WWOX: variants seen among roughly 807,000 people sequenced by gnomAD.
WWOX encodes the protein WW domain containing oxidoreductase, also known as WW domain-containing oxidoreductase.
A neutral mutation model predicts 46.2 loss-of-function variants in WWOX; 69 were observed. That is an observed-to-expected ratio of 1.49 (90% CI 1.23 to 1.82). The LOEUF is 1.82. WWOX is among the 40% of genes most tolerant of loss of function. WWOX has a pLI of 0.00. For synonymous variants in WWOX, 359 were observed against 202.6 expected (o/e 1.77, Z -6.56); for missense variants, 919 against 542.6 (o/e 1.69, Z -6.89).
intron 5 of WWOX, among the ~76,000 whole-genome samples, chr16:78,214,829 T>C (rs1331634626): frequency 1.3e-5 from 1 of 79,598 alleles, no homozygotes; most frequent in Non-Finnish European, 2.2e-5. Context: ...GAATAAATAT[T>C]ACCAAAAAAA....
chr16:78,821,301 C>G (rs943938574), intron 8 of WWOX, among the ~76,000 whole-genome samples: 1 of 152,124 alleles, frequency 6.6e-6, no homozygotes, highest in East Asian at 1.9e-4. Flanking sequence ...CCAGGTTACA[C>G]AGCTAGTTAT....
chr16:78,998,591 G>C (rs1430520930), intron 8 of WWOX, among the ~76,000 whole-genome samples: 2 of 152,292 alleles, frequency 1.3e-5, no homozygotes, highest in South Asian at 4.1e-4. Context: ...ATGTAGTTAA[G>C]ACTCAATTTC....
intron 8 of WWOX, among the ~76,000 whole-genome samples, chr16:79,058,357 C>T (rs974714691): frequency 2.1e-5 from 3 of 146,300 alleles, no homozygotes; most frequent in African/African-American, 7.8e-5. Flanking sequence ...TTTAGTATCA[C>T]ATTTGGCAAG....
chr16:78,659,491 G>A (rs998535589), intron 8 of WWOX, among the ~76,000 whole-genome samples: 2 of 152,028 alleles, frequency 1.3e-5, no homozygotes, highest in Non-Finnish European at 2.9e-5. Context: ...CCCTCCAGGG[G>A]ATTCTGTGGT....
At chr16:78,660,646 A>G (rs2047188592) in intron 8 of WWOX, among the ~76,000 whole-genome samples, 1 of 152,152 alleles carries the variant, frequency 6.6e-6, no homozygotes, top group South Asian at 2.1e-4. Context: ...CATCAAAGGA[A>G]TAGAAGCTCA....
chr16:78,139,073 G>A (rs916783489), intron 4 of WWOX, among the ~76,000 whole-genome samples: 9 of 152,106 alleles, frequency 5.9e-5, no homozygotes, highest in East Asian at 1.9e-4. Flanking sequence ...TAGGGGTGGC[G>A]CATAGACAGG....
intron 8 of WWOX, among the ~76,000 whole-genome samples, chr16:79,049,106 C>T (rs189159802): frequency 6.6e-6 from 1 of 152,336 alleles, no homozygotes; most frequent in Non-Finnish European, 1.5e-5. Context: ...CAGACTGTTT[C>T]TGCAAACAGC....
At chr16:78,677,904 A>G (rs2047641813) in intron 8 of WWOX, among the ~76,000 whole-genome samples, 1 of 152,216 alleles carries the variant, frequency 6.6e-6, no homozygotes, top group Non-Finnish European at 1.5e-5. Context: ...TTATTTCTAA[A>G]AAGTAGCCCG....
chr16:78,249,970 G>A (rs1248688222), intron 5 of WWOX, among the ~76,000 whole-genome samples: 1 of 152,108 alleles, frequency 6.6e-6, no homozygotes, highest in African/African-American at 2.4e-5. Context: ...CTGAGGCCAG[G>A]TCCCCAGTGA....
intron 8 of WWOX, among the ~76,000 whole-genome samples, chr16:78,627,210 C>T (rs898849405): frequency 1.3e-5 from 2 of 152,118 alleles, no homozygotes; most frequent in African/African-American, 4.8e-5. Flanking sequence ...CCTTTCAGGC[C>T]ACTCTTCCCC....
chr16:78,944,614 T>C (rs746443523), intron 8 of WWOX, among the ~76,000 whole-genome samples: 3 of 152,178 alleles, frequency 2.0e-5, no homozygotes, highest in Non-Finnish European at 4.4e-5. Context: ...AAGATCATAC[T>C]GGGATCTTTG....
At chr16:78,499,313 C>T (rs544661171) in intron 8 of WWOX, among the ~76,000 whole-genome samples, 12 of 152,288 alleles carry the variant, frequency 7.9e-5, no homozygotes, top group African/African-American at 2.9e-4. Flanking sequence ...GGTGGGGTGG[C>T]ACACATGCTC....
chr16:78,133,616 G>A (rs972193979), intron 4 of WWOX, among the ~76,000 whole-genome samples: 3 of 152,250 alleles, frequency 2.0e-5, no homozygotes, highest in Non-Finnish European at 4.4e-5. Context: ...GGCTGGTCTG[G>A]AACTCCTGAC....
intron 8 of WWOX, among the ~76,000 whole-genome samples, chr16:78,950,533 TACACACACACACACAC>T (rs141591649): frequency 1.4e-5 from 2 of 146,960 alleles, no homozygotes; most frequent in African/African-American, 5.0e-5. Flanking sequence ...CACACACACA[TACACACACACACACAC>T]ACACACACAC....
intron 8 of WWOX, among the ~76,000 whole-genome samples, chr16:79,099,323 A>T (rs1037958939): frequency 6.6e-6 from 1 of 152,188 alleles, no homozygotes; most frequent in Non-Finnish European, 1.5e-5. Flanking sequence ...AGTGACTATG[A>T]TATATCTTTC....
At position 78,127,273 on chromosome 16, in the gene WWOX, G is replaced by A. The variant is rs149148947; in HGVS notation, c.409+12119G>A. On this transcript the variant is annotated intron_variant, in intron 4 of 8. Coordinates refer to ENST00000566780, the MANE Select transcript of WWOX (RefSeq NM_016373.4). ...CTCATCATTGCAGGCGTTTAATAAC[G>A]TGTAGCCATTTCTGGAATGGGAGGC... Among the ~76,000 whole-genome samples the A allele has an allele frequency of 1.3e-4, 20 of 152,162 alleles. No homozygotes were observed. The East Asian group carries it at 3.9e-3, about 30-fold the overall frequency.
chr16:78,897,297 C>G (rs2044726500), intron 8 of WWOX: 1 of 146,236 alleles, frequency 6.8e-6, no homozygotes, highest in African/African-American at 2.6e-5. Flanking sequence ...ACATTCCCAT[C>G]ACGTCGGTAA....
intron 4 of WWOX, among the ~76,000 whole-genome samples, chr16:78,133,162 G>A (rs1567590117): frequency 6.6e-6 from 1 of 152,170 alleles, no homozygotes; most frequent in African/African-American, 2.4e-5. Context: ...TTGGATTGAA[G>A]AATTTAATCA....
intron 6 of WWOX, among the ~76,000 whole-genome samples, chr16:78,422,648 C>G (rs1183637522): frequency 2.4e-5 from 1 of 42,514 alleles, no homozygotes; most frequent in Non-Finnish European, 8.2e-5. Context: ...GCCCAGCCTC[C>G]TGTTTTTTTT....
Sources: gnomAD v4.1 joint callset for allele counts (sites outside exome capture counted in the v4.1 genomes callset) on GRCh38, gnomAD v4.1.1 for gene constraint, MANE v1.5 for transcripts, NCBI Gene and HGNC (gene_info 2026-07-23, HGNC 2026-07-21) for gene names.